The following GSKIP variants were observed in gnomAD, a reference collection of about 807,000 sequenced individuals.
GSKIP encodes GSK3B-interacting protein.
GSKIP carries 5 observed loss-of-function variants against 11.9 expected under a neutral mutation model. The observed-to-expected ratio is 0.42, with a 90% CI of 0.22 to 0.89. GSKIP has a LOEUF of 0.89. Among genes scored for constraint, GSKIP ranks in the 40% least tolerant of loss-of-function variants. GSKIP has a pLI of 0.29. For missense variants in GSKIP, 150 were observed against 166.6 expected (o/e 0.90, Z 0.55); for synonymous variants, 70 against 62.9 (o/e 1.11, Z -0.54).
intron 2 of GSKIP, among the ~76,000 whole-genome samples, chr14:96,380,912 C>T (rs1309425750): frequency 6.6e-6 from 1 of 152,116 alleles, no homozygotes; most frequent in Non-Finnish European, 1.5e-5. Context: ...AATCTAACTC[C>T]AGTGTGGTGA....
chr14:96,371,897 C>T (rs961513203), intron 1 of GSKIP, among the ~76,000 whole-genome samples: 2 of 152,126 alleles, frequency 1.3e-5, no homozygotes, highest in Non-Finnish European at 2.9e-5. Context: ...CTGCCAGACA[C>T]GGTGCCTGAA....
chr14:96,378,986 G>C (rs1456254712), intron 1 of GSKIP: 1 of 152,240 alleles, frequency 6.6e-6, no homozygotes. Context: ...ACTTGGAACA[G>C]CTTGAGCTGT....
At chr14:96,368,594 C>T (rs1342709438) in intron 1 of GSKIP, among the ~76,000 whole-genome samples, 1 of 152,166 alleles carries the variant, frequency 6.6e-6, no homozygotes, top group Non-Finnish European at 1.5e-5. Flanking sequence ...CCCCACCAAG[C>T]CTCATGTTGA....
intron 3 of GSKIP, among the ~76,000 whole-genome samples, chr14:96,384,346 G>C (rs1174647886): frequency 1.3e-5 from 2 of 151,872 alleles, no homozygotes; most frequent in African/African-American, 4.8e-5. Flanking sequence ...GCATGGATCT[G>C]AAGAGGTGTG....
At chr14:96,382,700 A>AT (rs753865725) in intron 3 of GSKIP, among the ~76,000 whole-genome samples, 195 bp downstream of exon 3, 3 of 152,100 alleles carry the variant, frequency 2.0e-5, no homozygotes, top group African/African-American at 7.2e-5. Flanking sequence ...GGGAAACAGA[A>AT]TTTTTTTGAA....
intron 3 of GSKIP, 99 bp from the exon 4 acceptor site, chr14:96,385,424 T>G (rs1889462683): frequency 3.3e-6 from 3 of 907,070 alleles, no homozygotes; most frequent in Non-Finnish European, 5.1e-6. Context: ...AAGAAATAAT[T>G]TATTTTTTTG....
At chr14:96,378,052 G>A (rs1322725510) in intron 1 of GSKIP, among the ~76,000 whole-genome samples, 1 of 152,176 alleles carries the variant, frequency 6.6e-6, no homozygotes, top group African/African-American at 2.4e-5. Flanking sequence ...CCCATCAAAT[G>A]TGTTCACTGA....
At chr14:96,363,750 GT>G (rs1888772050) in intron 1 of GSKIP, 182 bp downstream of exon 1, 2 of 152,328 alleles carry the variant, frequency 1.3e-5, no homozygotes, top group African/African-American at 4.8e-5. Flanking sequence ...CTGGGGGCCG[GT>G]CTGGCCGGCC....
At chr14:96,369,011 A>G (rs1385581888) in intron 1 of GSKIP, among the ~76,000 whole-genome samples, 1 of 152,260 alleles carries the variant, frequency 6.6e-6, no homozygotes, top group African/African-American at 2.4e-5. Context: ...AAATGCTGAT[A>G]GAAATATAGA....
intron 1 of GSKIP, among the ~76,000 whole-genome samples, chr14:96,368,082 A>ATT (rs199862090): frequency 2.1e-5 from 3 of 140,588 alleles, no homozygotes; most frequent in East Asian, 2.0e-4. Flanking sequence ...AATAACTGGA[A>ATT]TTTTTTTTTT....
At chr14:96,385,148 G>T (rs1345536417) in intron 3 of GSKIP, among the ~76,000 whole-genome samples, 1 of 152,114 alleles carries the variant, frequency 6.6e-6, no homozygotes, top group Non-Finnish European at 1.5e-5. Flanking sequence ...ATTAAATGGG[G>T]TAAATAATAG....
intron 3 of GSKIP, among the ~76,000 whole-genome samples, 183 bp downstream of exon 3, chr14:96,382,688 T>C (rs1889381648): frequency 6.6e-6 from 1 of 152,168 alleles, no homozygotes; most frequent in Admixed American, 6.5e-5. Flanking sequence ...TTGATCGATA[T>C]GGGGAAACAG....
chr14:96,372,704 C>T (rs1191484102), intron 1 of GSKIP, among the ~76,000 whole-genome samples: 1 of 152,132 alleles, frequency 6.6e-6, no homozygotes, highest in Non-Finnish European at 1.5e-5. Context: ...TGCCTAGAGC[C>T]AGGCATGGCA....
At chr14:96,375,698 C>G (rs1050172935) in intron 1 of GSKIP, among the ~76,000 whole-genome samples, 1 of 152,164 alleles carries the variant, frequency 6.6e-6, no homozygotes, top group African/African-American at 2.4e-5. Flanking sequence ...TCCCAAAGTG[C>G]TGGGATAACA....
rs368837612 is a variant in GSKIP, at chr14:96,374,937, TATCTA to T, written c.-102-4746_-102-4742del. The stretch of plus-strand genomic sequence containing the variant: ...ATTATATATTACATATAAAAAGACT[TATCTA>T]ATCTCTCTGAAAAATAATTGACTCT... On this transcript the variant is annotated intron_variant, in intron 1 of 3. Transcript: ENST00000555181. Among the ~76,000 whole-genome samples, 262 of 145,704 alleles carry T rather than the reference TATCTA, an allele frequency of 1.8e-3. 5 individuals are homozygous for T. The South Asian group carries it at 0.027, about 15-fold the overall frequency.
intron 1 of GSKIP, among the ~76,000 whole-genome samples, chr14:96,379,475 A>G (rs1432912142): frequency 6.6e-6 from 1 of 152,194 alleles, no homozygotes; most frequent in Non-Finnish European, 1.5e-5. Flanking sequence ...GGAAAAGGAT[A>G]TTGGTAAATA....
At chr14:96,365,609 T>G (rs1400576711) in intron 1 of GSKIP, among the ~76,000 whole-genome samples, 1 of 151,776 alleles carries the variant, frequency 6.6e-6, no homozygotes. Context: ...GGTGGGCGGA[T>G]CACTTGAGGT....
At chr14:96,380,883 A>G (rs1343205034) in intron 2 of GSKIP, among the ~76,000 whole-genome samples, 1 of 152,164 alleles carries the variant, frequency 6.6e-6, no homozygotes, top group Non-Finnish European at 1.5e-5. Context: ...TTAAAATACA[A>G]TGAGTTTCTT....
intron 1 of GSKIP, among the ~76,000 whole-genome samples, chr14:96,369,204 C>T (rs111671336): frequency 0.011 from 1,630 of 152,230 alleles, 27 homozygotes; most frequent in African/African-American, 0.037. Flanking sequence ...AATGTCTAAG[C>T]AGCAAAGGGT....
Sources: gnomAD v4.1 joint callset for allele counts (sites outside exome capture counted in the v4.1 genomes callset) on GRCh38, gnomAD v4.1.1 for gene constraint, MANE v1.5 for transcripts, NCBI Gene and HGNC (gene_info 2026-07-23, HGNC 2026-07-21) for gene names.